The following REDIC1 variants were observed in gnomAD, a reference collection of about 807,000 sequenced individuals.
REDIC1 encodes regulator of DNA class I crossover intermediates 1, also known as HEI10 Interacting Protein 1.
At chr12:39,876,077 C>T in the REDIC1 span, among the ~76,000 whole-genome samples, 1 of 152,204 alleles carries the variant, frequency 6.6e-6, no homozygotes, top group East Asian at 1.9e-4. Context: ...AAACTATCAT[C>T]TTCTTCAAAG....
chr12:39,634,946 A>C, the REDIC1 span, among the ~76,000 whole-genome samples: 4 of 152,138 alleles, frequency 2.6e-5, no homozygotes, highest in South Asian at 8.3e-4. Context: ...ACAAGAAAAA[A>C]AAACAACCCC....
At chr12:39,701,716 G>A in the REDIC1 span, among the ~76,000 whole-genome samples, 1 of 152,210 alleles carries the variant, frequency 6.6e-6, no homozygotes, top group Non-Finnish European at 1.5e-5. Context: ...AAATGTAAAA[G>A]AACAGAAACT....
the REDIC1 span, among the ~76,000 whole-genome samples, chr12:39,649,451 G>C: frequency 6.6e-6 from 1 of 151,646 alleles, no homozygotes; most frequent in Non-Finnish European, 1.5e-5. Context: ...TTATTTTAAG[G>C]GATAAAGTTT....
chr12:39,859,449 G>A, the REDIC1 span, among the ~76,000 whole-genome samples: 5 of 151,804 alleles, frequency 3.3e-5, no homozygotes, highest in African/African-American at 1.2e-4. Context: ...GAGGCTGACC[G>A]CTGGAAAGGG....
At chr12:39,751,107 C>A in the REDIC1 span, among the ~76,000 whole-genome samples, 2 of 152,282 alleles carry the variant, frequency 1.3e-5, no homozygotes, top group Non-Finnish European at 2.9e-5. Flanking sequence ...AAAGAAACTA[C>A]TATCAGAGCG....
chr12:39,665,246 TG>T, the REDIC1 span, among the ~76,000 whole-genome samples: 1 of 152,216 alleles, frequency 6.6e-6, no homozygotes, highest in Non-Finnish European at 1.5e-5. Flanking sequence ...AATTAGTTTT[TG>T]TATAAGGTGT....
chr12:39,877,292 G>A, the REDIC1 span, among the ~76,000 whole-genome samples: 1 of 152,186 alleles, frequency 6.6e-6, no homozygotes, highest in Non-Finnish European at 1.5e-5. Context: ...GCAAAGGTAT[G>A]TCTTACACGG....
the REDIC1 span, among the ~76,000 whole-genome samples, chr12:39,680,654 A>G: frequency 1.3e-5 from 2 of 152,300 alleles, no homozygotes; most frequent in East Asian, 3.9e-4. Flanking sequence ...ATCAGTCAGT[A>G]TATGAAAAAG....
the REDIC1 span, among the ~76,000 whole-genome samples, chr12:39,839,523 C>T: frequency 6.6e-6 from 1 of 152,024 alleles, no homozygotes; most frequent in Non-Finnish European, 1.5e-5. Flanking sequence ...ACTCGGAGCA[C>T]TTTTCCAACA....
chr12:39,660,016 C>T, the REDIC1 span, among the ~76,000 whole-genome samples: 186 of 152,202 alleles, frequency 1.2e-3, no homozygotes, highest in Middle Eastern at 3.4e-3. Context: ...GAGGCAATAC[C>T]CTTCTGAATA....
chr12:39,817,991 C>T, the REDIC1 span, among the ~76,000 whole-genome samples: 8 of 152,174 alleles, frequency 5.3e-5, no homozygotes, highest in African/African-American at 1.9e-4. Context: ...TTCTCCTCTG[C>T]TTTGTCCTTT....
chr12:39,694,134 G>T, the REDIC1 span, among the ~76,000 whole-genome samples: 1 of 152,030 alleles, frequency 6.6e-6, no homozygotes, highest in Non-Finnish European at 1.5e-5. Context: ...TTGGGTTTTG[G>T]CATTTTTTTT....
the REDIC1 span, among the ~76,000 whole-genome samples, chr12:39,666,626 G>C: frequency 2.6e-5 from 4 of 152,202 alleles, no homozygotes; most frequent in East Asian, 7.7e-4. Context: ...GATTGGAATA[G>C]TTTCAGAAGA....
the REDIC1 span, among the ~76,000 whole-genome samples, chr12:39,711,797 AC>A: frequency 7.7e-6 from 1 of 130,388 alleles, no homozygotes; most frequent in Non-Finnish European, 1.7e-5. Flanking sequence ...GTGTGTGTAC[AC>A]ATGCATGTGT....
chr12:39,675,569 C>T, the REDIC1 span, among the ~76,000 whole-genome samples: 7 of 152,228 alleles, frequency 4.6e-5, no homozygotes, highest in Non-Finnish European at 8.8e-5. Context: ...ACAGCTAATT[C>T]TACCACGTGC....
chr12:39,782,754 A>G, the REDIC1 span, among the ~76,000 whole-genome samples: 1 of 152,204 alleles, frequency 6.6e-6, no homozygotes, highest in Non-Finnish European at 1.5e-5. Context: ...GACATGTTGA[A>G]TGGCTTTGAC....
At chr12:39,794,580 A>G in the REDIC1 span, among the ~76,000 whole-genome samples, 1 of 152,164 alleles carries the variant, frequency 6.6e-6, no homozygotes, top group African/African-American at 2.4e-5. Flanking sequence ...AAAGAAGGCA[A>G]AGGCAGGTTC....
chr12:39,712,065 T>C, the REDIC1 span, among the ~76,000 whole-genome samples: 5 of 27,716 alleles, frequency 1.8e-4, no homozygotes, highest in African/African-American at 4.2e-4. Flanking sequence ...TATATACATG[T>C]ATATATACCG....
At chr12:39,655,280 C>T in the REDIC1 span, among the ~76,000 whole-genome samples, 69 of 151,950 alleles carry the variant, frequency 4.5e-4, no homozygotes, top group Admixed American at 7.9e-4. Flanking sequence ...TTAGGTTGCC[C>T]GTCTTTTTCT....
Sources: gnomAD v4.1 joint callset for allele counts (sites outside exome capture counted in the v4.1 genomes callset) on GRCh38, gnomAD v4.1.1 for gene constraint, MANE v1.5 for transcripts, NCBI Gene and HGNC (gene_info 2026-07-23, HGNC 2026-07-21) for gene names.